CLYBL: variants seen among roughly 807,000 people sequenced by gnomAD.
CLYBL encodes citramalyl-CoA lyase, also known as citramalyl-CoA lyase, mitochondrial.
CLYBL carries 31 observed loss-of-function variants against 38.9 expected under a neutral mutation model. The ratio of observed to expected loss-of-function variants is 0.80; its 90% confidence interval spans 0.60 to 1.08. The LOEUF is 1.08. Ranked by LOEUF, CLYBL falls within the 50% of genes least tolerant of loss-of-function variation. CLYBL has a pLI of 0.00. For synonymous variants in CLYBL, 171 were observed against 158.6 expected (o/e 1.08, Z -0.59); for missense variants, 434 against 411.6 (o/e 1.05, Z -0.47).
At position 99,869,652 on chromosome 13, in the gene CLYBL, T is replaced by A; in HGVS notation, c.803-1286T>A. On this transcript the variant is annotated intron_variant, in intron 6 of 8. Coordinates refer to ENST00000339105, the MANE Select transcript of CLYBL (RefSeq NM_206808.5). The surrounding 1 kb of genome is among the most constrained non-coding windows in gnomAD (Gnocchi z 4.3). ...ATTATATTTATCCACTTAAACTCTT[T>A]TACATGAAACACTAAAAATATGTTT... is the stretch of plus-strand genomic sequence containing the variant. Among the ~76,000 whole-genome samples, 1 of 152,242 alleles carries A rather than the reference T, an allele frequency of 6.6e-6. No individual in the cohort carries two copies. The highest frequency in any genetic ancestry group is 1.9e-4 in the East Asian group (1 of 5,194).
At chr13:99,760,957 G>A (rs910179536) in intron 1 of CLYBL, among the ~76,000 whole-genome samples, 1 of 152,088 alleles carries the variant, frequency 6.6e-6, no homozygotes, top group African/African-American at 2.4e-5. Flanking sequence ...TTTAACACTA[G>A]GTCTTACTTC....
intron 1 of CLYBL, among the ~76,000 whole-genome samples, chr13:99,649,001 C>G (rs2047214711): frequency 6.6e-6 from 1 of 151,512 alleles, no homozygotes. Flanking sequence ...TTAATAAAAT[C>G]ATCTAGGATG....
chr13:99,756,757 G>A (rs923924432), intron 1 of CLYBL, among the ~76,000 whole-genome samples: 1 of 152,192 alleles, frequency 6.6e-6, no homozygotes, highest in Non-Finnish European at 1.5e-5. Context: ...TTCAGGCAAA[G>A]CAGAGATCCT....
At chr13:99,847,026 T>C (rs1392737008) in intron 2 of CLYBL, among the ~76,000 whole-genome samples, 1 of 152,218 alleles carries the variant, frequency 6.6e-6, no homozygotes, top group East Asian at 1.9e-4. Context: ...GGGGACAATT[T>C]GGATCGGCTT....
chr13:99,815,660 C>T (rs1280719678), intron 2 of CLYBL, among the ~76,000 whole-genome samples: 4 of 152,060 alleles, frequency 2.6e-5, no homozygotes, highest in African/African-American at 7.2e-5. Flanking sequence ...CCGAGGCAGG[C>T]GGATCACTTG....
At chr13:99,705,974 C>T (rs1036837940) in intron 1 of CLYBL, among the ~76,000 whole-genome samples, 1 of 151,748 alleles carries the variant, frequency 6.6e-6, no homozygotes, top group Non-Finnish European at 1.5e-5. Flanking sequence ...TCTTGCTGCC[C>T]AGGCTGGAGT....
chr13:99,763,956 G>C (rs893883361), intron 1 of CLYBL, among the ~76,000 whole-genome samples: 2 of 151,584 alleles, frequency 1.3e-5, no homozygotes, highest in African/African-American at 4.8e-5. Flanking sequence ...TCCTTTTTTC[G>C]TCATGTCCTT....
chr13:99,880,220 A>G (rs1411725463), intron 7 of CLYBL, among the ~76,000 whole-genome samples: 2 of 151,814 alleles, frequency 1.3e-5, no homozygotes, highest in Non-Finnish European at 2.9e-5. Context: ...GGCGCATGCC[A>G]CTATGCCCGG....
chr13:99,630,542 G>A (rs1251353433), intron 1 of CLYBL, among the ~76,000 whole-genome samples: 1 of 152,178 alleles, frequency 6.6e-6, no homozygotes, highest in Non-Finnish European at 1.5e-5. Flanking sequence ...TTTGACTAAA[G>A]TAGTTCTGAA....
chr13:99,618,874 A>G (rs2046753310), intron 1 of CLYBL, among the ~76,000 whole-genome samples: 1 of 152,180 alleles, frequency 6.6e-6, no homozygotes, highest in Non-Finnish European at 1.5e-5. Flanking sequence ...ATGTTACAGC[A>G]GGTATCTGAT....
chr13:99,612,159 T>A (rs376289909), intron 1 of CLYBL, among the ~76,000 whole-genome samples: 1 of 152,312 alleles, frequency 6.6e-6, no homozygotes, highest in East Asian at 1.9e-4. Flanking sequence ...TCCTTGATAT[T>A]TGTAATTCTT....
rs1594231929 is a variant in CLYBL at position 99,865,443 on chromosome 13, C to T, written c.634+532C>T. Among the ~76,000 whole-genome samples, 1 of 152,300 alleles carries T rather than the reference C, an allele frequency of 6.6e-6. No homozygotes were observed. Among genetic ancestry groups the T allele is most frequent in the East Asian group, 1.9e-4 (1 of 5,184 alleles). Reference sequence around the variant, plus strand: ...AAATGTGCTGATTTTCACCGATTCTCACCATCCCTTGTGAGCTGCACTTGA... The same window carrying T: ...AAATGTGCTGATTTTCACCGATTCTTACCATCCCTTGTGAGCTGCACTTGA... On this transcript the variant is annotated intron_variant, in intron 5 of 8. Transcript: ENST00000339105. This position sits in a 1 kb window ranked among gnomAD's most constrained non-coding sequence, Gnocchi z 4.7.
intron 1 of CLYBL, among the ~76,000 whole-genome samples, chr13:99,608,593 A>G (rs2793750): frequency 0.84 from 128,302 of 151,996 alleles, 54,217 homozygotes; most frequent in Middle Eastern, 0.91. Flanking sequence ...AGCGTCTGTG[A>G]CCTGTTCAGT....
chr13:99,834,389 G>A (rs1159130835), intron 2 of CLYBL, among the ~76,000 whole-genome samples: 1 of 152,162 alleles, frequency 6.6e-6, no homozygotes, highest in Admixed American at 6.5e-5. Context: ...GACTCATATA[G>A]GGGGCTTATG....
chr13:99,606,809 G>C lies in CLYBL; in HGVS notation c.62+52G>C, dbSNP rs977895574. ...TTCCCGGCCCGGCTCGCCGCGGGTC[G>C]GCTCCTGTTGCAGCCCCGCGGGCCG... is the stretch of plus-strand genomic sequence containing the variant. On this transcript the variant is annotated intron_variant, in intron 1 of 8. Coordinates refer to ENST00000339105, the MANE Select transcript of CLYBL (RefSeq NM_206808.5). The C allele has an allele frequency of 1.1e-5, 15 of 1,329,362 alleles. No homozygotes were observed. The East Asian group carries it at 4.0e-4, about 36-fold the overall frequency. 82.3% of individuals were successfully genotyped at this position (1,329,362 alleles called of 1,614,324 possible). A position where few individuals can be genotyped will look rare whatever the true frequency, so the allele number is the denominator to read the frequency against.
At chr13:99,798,009 T>C (rs1199590774) in intron 2 of CLYBL, among the ~76,000 whole-genome samples, 1 of 152,224 alleles carries the variant, frequency 6.6e-6, no homozygotes, top group African/African-American at 2.4e-5. Context: ...CTGAGATTCA[T>C]GTTCAACTTG....
chr13:99,667,248 C>T (rs928093080), intron 1 of CLYBL, among the ~76,000 whole-genome samples: 9 of 152,084 alleles, frequency 5.9e-5, no homozygotes, highest in Non-Finnish European at 1.2e-4. Flanking sequence ...CCACACGTAA[C>T]CATCCCTTGA....
chr13:99,677,519 C>G (rs2047671651), intron 1 of CLYBL, among the ~76,000 whole-genome samples: 1 of 152,090 alleles, frequency 6.6e-6, no homozygotes, highest in Non-Finnish European at 1.5e-5. Flanking sequence ...ATAATGAGTT[C>G]CCAAGTGCTT....
intron 1 of CLYBL, among the ~76,000 whole-genome samples, chr13:99,669,571 A>G (rs2139358139): frequency 6.6e-6 from 1 of 152,278 alleles, no homozygotes; most frequent in Non-Finnish European, 1.5e-5. Flanking sequence ...GTTTCAAATC[A>G]TTATTTCATT....
Sources: gnomAD v4.1 joint callset for allele counts (sites outside exome capture counted in the v4.1 genomes callset) on GRCh38, gnomAD v4.1.1 for gene constraint, Gnocchi (gnomAD v3.1) non-coding constraint, MANE v1.5 for transcripts, NCBI Gene and HGNC (gene_info 2026-07-23, HGNC 2026-07-21) for gene names.